PIK3CD: variants seen among roughly 807,000 people sequenced by gnomAD.
PIK3CD encodes the protein phosphatidylinositol 4,5-bisphosphate 3-kinase catalytic subunit delta isoform.
Under a neutral mutation model 122.9 loss-of-function variants are expected in PIK3CD, and 20 were observed. The observed-to-expected ratio is 0.16, with a 90% confidence interval of 0.11 to 0.24. The LOEUF (loss-of-function observed/expected upper bound fraction) is 0.24, where lower values mean the gene tolerates loss of function less well. PIK3CD is among the 10% of genes least tolerant of loss of function. PIK3CD has a pLI of 1.00. For synonymous variants in PIK3CD, 596 were observed against 593.4 expected, an observed-to-expected ratio of 1.00 and a Z score of -0.06; for missense variants, 787 against 1,406.3, an observed-to-expected ratio of 0.56 and a Z score of 7.04.
At chr1:9,631,203 A>T in the PIK3CD span, among the ~76,000 whole-genome samples, 6 of 152,138 alleles carry the variant, frequency 3.9e-5, no homozygotes, top group African/African-American at 1.4e-4. Flanking sequence ...CCTTCACCCA[A>T]AGAGAACTAT....
In PIK3CD at chr1:9,720,876, C is replaced by T. The variant is rs763365853; in HGVS notation, c.1656C>T (p.Val552=). ...FPEALARLLL[V]TKWNKHEDVA... is the part of the protein sequence containing the mutation. ...AGGCGCTAGCCCGGCTGCTGCTGGT[C>T]ACCAAGTGGAACAAGCATGAGGATG... Residue 552 remains valine (V), a synonymous_variant, in exon 13 of 24, where the codon GTC becomes GTT. Transcript: ENST00000377346. The surrounding 1 kb of genome is among the most constrained non-coding windows in gnomAD (Gnocchi z 9.0). 8.7e-6 allele frequency: 14 copies of T among 1,604,990 alleles called. No homozygotes were observed. Among genetic ancestry groups the T allele is most frequent in the Middle Eastern group, 1.6e-4 (1 of 6,066 alleles).
At chr1:9,641,558 A>T in the PIK3CD span, among the ~76,000 whole-genome samples, 1 of 150,982 alleles carries the variant, frequency 6.6e-6, no homozygotes, top group Non-Finnish European at 1.5e-5. Flanking sequence ...ATTTCTGGGG[A>T]GCCCCCATCT....
chr1:9,707,066 G>A (rs1646862176), intron 2 of PIK3CD, among the ~76,000 whole-genome samples: 1 of 151,236 alleles, frequency 6.6e-6, no homozygotes, highest in African/African-American at 2.4e-5. Flanking sequence ...TCCTACCTTG[G>A]CCTCCTAAAG....
At chr1:9,675,657 G>T (rs769044296) in intron 1 of PIK3CD, among the ~76,000 whole-genome samples, 25 of 152,070 alleles carry the variant, frequency 1.6e-4, no homozygotes, top group Non-Finnish European at 1.6e-4. Flanking sequence ...GGCTATGCAG[G>T]AGGGGCTTCC....
chr1:9,712,616 A>T (rs1207566807), intron 3 of PIK3CD, among the ~76,000 whole-genome samples: 1 of 152,224 alleles, frequency 6.6e-6, no homozygotes, highest in Non-Finnish European at 1.5e-5. Flanking sequence ...AATTGGGAGC[A>T]GGGAAAAAAT....
At chr1:9,694,255 G>A (rs1570265123) in intron 2 of PIK3CD, among the ~76,000 whole-genome samples, 1 of 152,328 alleles carries the variant, frequency 6.6e-6, no homozygotes, top group African/African-American at 2.4e-5. Flanking sequence ...CTTGTTGCTA[G>A]GCACGGTGGC....
At chr1:9,643,771 C>G in the PIK3CD span, among the ~76,000 whole-genome samples, 1 of 152,202 alleles carries the variant, frequency 6.6e-6, no homozygotes, top group Non-Finnish European at 1.5e-5. Context: ...GTTAAGTCAC[C>G]TAAGGTCACA....
At chr1:9,644,666 C>G in the PIK3CD span, among the ~76,000 whole-genome samples, 1 of 152,048 alleles carries the variant, frequency 6.6e-6, no homozygotes, top group African/African-American at 2.4e-5. Flanking sequence ...TAACTGTTGT[C>G]ATGTGTGCCT....
intron 2 of PIK3CD, among the ~76,000 whole-genome samples, chr1:9,701,130 C>T (rs1000216606): frequency 6.6e-6 from 1 of 152,126 alleles, no homozygotes; most frequent in Non-Finnish European, 1.5e-5. Flanking sequence ...AGCACAAGCC[C>T]CAGGTGCCAG....
chr1:9,630,739 T>TGCGTGTGCGCGC, the PIK3CD span, among the ~76,000 whole-genome samples: 5 of 150,964 alleles, frequency 3.3e-5, no homozygotes, highest in South Asian at 1.0e-3. Flanking sequence ...TGTGTGTGTG[T>TGCGTGTGCGCGC]GCAGAAGAGG....
chr1:9,705,214 T>G (rs1257029778), intron 2 of PIK3CD, among the ~76,000 whole-genome samples: 1 of 150,726 alleles, frequency 6.6e-6, no homozygotes, highest in Non-Finnish European at 1.5e-5. Flanking sequence ...CTCATGCTTG[T>G]AATCCCAGCA....
At chr1:9,662,861 G>A (rs1046329617) in intron 1 of PIK3CD, among the ~76,000 whole-genome samples, 7 of 152,012 alleles carry the variant, frequency 4.6e-5, no homozygotes, top group Non-Finnish European at 8.8e-5. Flanking sequence ...GCTAATTTTT[G>A]TATTTTTAGT....
At position 9,719,532 on chromosome 1, in the gene PIK3CD, A is replaced by G. The variant is rs1648138739; in HGVS notation, c.1243-389A>G. The stretch of plus-strand genomic sequence containing the variant: ...AAAAATTAGCCGGGCGTGGAGGCAC[A>G]TGCCTGTAATCTCAGCTACTTGGGA... On this transcript the variant is annotated intron_variant, in intron 9 of 23. Transcript: ENST00000377346. This position sits in a 1 kb window ranked among gnomAD's most constrained non-coding sequence, Gnocchi z 5.5. Among the ~76,000 whole-genome samples, 1 of 152,152 alleles carries G rather than the reference A, an allele frequency of 6.6e-6. No individual in the cohort carries two copies. The highest frequency in any genetic ancestry group is 6.5e-5 in the Admixed American group (1 of 15,270).
Position 9,724,215 on chromosome 1 carries a change from C to T in PIK3CD, c.2719-61C>T. The T allele has an allele frequency of 6.2e-7, 1 of 1,613,008 alleles. No homozygotes were observed. Among genetic ancestry groups the T allele is most frequent in the Non-Finnish European group, 8.5e-7 (1 of 1,179,504 alleles). On this transcript the variant is annotated intron_variant, in intron 21 of 23. Transcript: ENST00000377346. This position sits in a 1 kb window ranked among gnomAD's most constrained non-coding sequence, Gnocchi z 7.3. Reference sequence around the variant, plus strand: ...CCCAGCCCTGCTGGCTTCCTGTCTCCCCTGGATTCTCTCCTGTCTGACACC... The same window carrying T: ...CCCAGCCCTGCTGGCTTCCTGTCTCTCCTGGATTCTCTCCTGTCTGACACC...
the PIK3CD span, among the ~76,000 whole-genome samples, chr1:9,638,568 T>G: frequency 1.3e-5 from 2 of 151,432 alleles, no homozygotes; most frequent in African/African-American, 2.4e-5. Flanking sequence ...CCGTCTCTAC[T>G]AAAAATACAA....
chr1:9,659,393 T>TATA (rs1184005676), intron 1 of PIK3CD, among the ~76,000 whole-genome samples: 1 of 152,220 alleles, frequency 6.6e-6, no homozygotes, highest in Non-Finnish European at 1.5e-5. Context: ...TTGTAAAATA[T>TATA]ACATAACATA....
chr1:9,707,457 G>A (rs577646613), intron 2 of PIK3CD, among the ~76,000 whole-genome samples: 41 of 150,988 alleles, frequency 2.7e-4, no homozygotes, highest in African/African-American at 9.2e-4. Context: ...AGATTATGTC[G>A]TCACCCAGGT....
At chr1:9,633,921 C>T in the PIK3CD span, among the ~76,000 whole-genome samples, 1 of 152,046 alleles carries the variant, frequency 6.6e-6, no homozygotes, top group Non-Finnish European at 1.5e-5. Flanking sequence ...GTTGTGTGCT[C>T]CTGTGGCTCT....
In PIK3CD at chr1:9,724,688, C is replaced by A; in HGVS notation, c.2865-116C>A. On this transcript the variant is annotated intron_variant, in intron 22 of 23. Transcript: ENST00000377346. This position sits in a 1 kb window ranked among gnomAD's most constrained non-coding sequence, Gnocchi z 7.3. The stretch of plus-strand genomic sequence containing the variant: ...CAGAACTGGAGGCCTTGTGTCCACC[C>A]ATTATCAGGGCAAGGGCAGGTGTCC... The A allele has an allele frequency of 7.3e-7, 1 of 1,365,888 alleles. No individual in the cohort carries two copies. Among genetic ancestry groups the A allele is most frequent in the Non-Finnish European group, 1.0e-6 (1 of 957,616 alleles). The allele number at this position is 1,365,888 out of a possible 1,614,324, so 84.6% of individuals were successfully genotyped here.
Sources: allele counts gnomAD v4.1 joint callset (sites outside exome capture counted in the v4.1 genomes callset), GRCh38; gene constraint gnomAD v4.1.1; non-coding constraint Gnocchi (gnomAD v3.1); transcripts MANE v1.5; gene names NCBI Gene and HGNC (gene_info 2026-07-23, HGNC 2026-07-21).